The following GCC2 variants were observed in gnomAD, a reference collection of about 807,000 sequenced individuals.
The protein encoded by GCC2 is GRIP and coiled-coil domain containing 2.
Under a neutral mutation model 210.6 loss-of-function variants are expected in GCC2, and 120 were observed. The observed-to-expected ratio is 0.57, with a 90% CI of 0.49 to 0.66. GCC2 has a LOEUF of 0.66. GCC2 is among the 30% of genes least tolerant of loss of function. The pLI is 0.00. For missense variants in GCC2, 1,868 were observed against 1,871.9 expected (o/e 1.00, Z 0.04); for synonymous variants, 703 against 652.7 (o/e 1.08, Z -1.17).
Position 108,492,141 on chromosome 2 carries a change from G to GT in GCC2, c.4230-418dup, listed in dbSNP as rs200630743. Reference sequence around the variant, plus strand: ...TCTGAGTAAATCAGAAGAGTGTGGGGTTTTTTTTTTTTTTAATGTTTTCAG... The same window carrying GT: ...TCTGAGTAAATCAGAAGAGTGTGGGGTTTTTTTTTTTTTTTAATGTTTTCAG... On this transcript the variant is annotated intron_variant, in intron 18 of 22. Transcript: ENST00000309863. Among the ~76,000 whole-genome samples the GT allele has an allele frequency of 3.4e-3, 481 of 139,882 alleles. 2 individuals carry two copies. Among genetic ancestry groups the GT allele is most frequent in the South Asian group, 0.014 (60 of 4,392 alleles). 91.8% of individuals were successfully genotyped at this position (139,882 alleles called of 152,430 possible).
intron 4 of GCC2, among the ~76,000 whole-genome samples, chr2:108,460,816 A>T (rs1680528501): frequency 6.6e-6 from 1 of 152,142 alleles, no homozygotes; most frequent in Non-Finnish European, 1.5e-5. Context: ...GATCATGGGG[A>T]TGAACATGAA....
At chr2:108,469,288 T>C (rs973502036) in intron 5 of GCC2, 2 of 445,236 alleles carry the variant, frequency 4.5e-6, no homozygotes, top group Non-Finnish European at 7.9e-6. Flanking sequence ...TGTTGCATTA[T>C]CTTTTTTATA....
At chr2:108,490,485 T>G (rs1682354657) in intron 18 of GCC2, among the ~76,000 whole-genome samples, 1 of 152,214 alleles carries the variant, frequency 6.6e-6, no homozygotes. Context: ...TAGATTATTG[T>G]GAACAAGAAG....
intron 22 of GCC2, among the ~76,000 whole-genome samples, chr2:108,505,386 C>A (rs1164441649): frequency 2.0e-5 from 3 of 152,198 alleles, no homozygotes; most frequent in Non-Finnish European, 4.4e-5. Flanking sequence ...AGACAGACTT[C>A]TCAGAATTCT....
chr2:108,499,344 A>G (rs1261355510), intron 21 of GCC2, among the ~76,000 whole-genome samples: 2 of 151,674 alleles, frequency 1.3e-5, no homozygotes, highest in Non-Finnish European at 1.5e-5. Flanking sequence ...TCCGGTTTTC[A>G]TGTCAAATGG....
intron 4 of GCC2, 149 bp downstream of exon 4, chr2:108,452,615 G>A: frequency 1.6e-6 from 1 of 621,412 alleles, no homozygotes; most frequent in Middle Eastern, 2.6e-4. Flanking sequence ...AAAAAGAGGG[G>A]GTTAATGACC....
At chr2:108,472,600 G>C (rs187755396) in intron 6 of GCC2, among the ~76,000 whole-genome samples, 2 of 150,696 alleles carry the variant, frequency 1.3e-5, no homozygotes, top group African/African-American at 4.9e-5. Context: ...CTTGGCCTTG[G>C]TTACTACTTT....
In GCC2 at chr2:108,469,677, A is replaced by C; in HGVS notation, c.348A>C (p.Ala116=). Residue 116 remains alanine, a synonymous_variant, in exon 6 of 23, where the codon GCA becomes GCC. Coordinates refer to ENST00000309863, the MANE Select transcript of GCC2 (RefSeq NM_181453.4). ...VEDSVTKMGD[A]HKELEQSHIN... ...ATTCTGTAACAAAGATGGGAGATGC[A>C]CATAAGGAGTTGGAACAATCACATA... 6.2e-7 allele frequency: 1 copy of C among 1,600,282 alleles called. No individual in the cohort carries two copies. The highest frequency in any genetic ancestry group is 8.5e-7 in the Non-Finnish European group (1 of 1,175,314).
chr2:108,472,801 G>GTT, intron 6 of GCC2, 26 bp from the exon 7 acceptor site: 12 of 1,320,408 alleles, frequency 9.1e-6, no homozygotes, highest in South Asian at 2.6e-5. Flanking sequence ...TTTGTTTTGT[G>GTT]TTTTTTTTTC....
intron 5 of GCC2, chr2:108,469,336 A>T (rs1421038900): frequency 2.6e-5 from 11 of 422,436 alleles, no homozygotes; most frequent in East Asian, 1.8e-4. Context: ...AAAAAAAGTA[A>T]GTTGATTTTC....
chr2:108,453,762 G>A (rs899922120), intron 4 of GCC2, among the ~76,000 whole-genome samples: 2 of 148,688 alleles, frequency 1.3e-5, no homozygotes, highest in African/African-American at 5.0e-5. Flanking sequence ...TCCAGCCTGG[G>A]CAACACAGCA....
At chr2:108,463,205 T>C (rs915448995) in intron 4 of GCC2, among the ~76,000 whole-genome samples, 2 of 152,212 alleles carry the variant, frequency 1.3e-5, no homozygotes, top group Non-Finnish European at 2.9e-5. Context: ...TGAATTTCTT[T>C]TAGATTGAGA....
rs775165071 is a variant in GCC2, at chr2:108,472,837, C to T, written c.2798C>T (p.Ala933Val). 3.8e-6 allele frequency: 6 copies of T among 1,579,674 alleles called. No individual in the cohort carries two copies. The highest frequency in any genetic ancestry group is 5.2e-6 in the Non-Finnish European group (6 of 1,156,596). ...CCCTGTAAAATCTAGGATTCCTTAG[C>T]AAAATCACCTTCTGTAAAAAATGAT... is the stretch of plus-strand genomic sequence containing the variant. ...AELILLKDSL[A>V]KSPSVKNDPL... Residue 933 changes from alanine (A) to valine (V), a missense_variant, in exon 7 of 23, where the codon GCA becomes GTA. Ala to Val is a moderately conservative substitution (Grantham distance 64). This residue lies in a region of GCC2 where 1,847 missense variants were observed against 1,765.2 expected (regional missense o/e 1.05). Transcript: ENST00000309863.
chr2:108,451,681 C>T (rs1226593880), intron 3 of GCC2, among the ~76,000 whole-genome samples: 1 of 151,892 alleles, frequency 6.6e-6, no homozygotes, highest in Non-Finnish European at 1.5e-5. Context: ...AGCCTAAAAG[C>T]TAAGACTTAT....
At chr2:108,490,156 T>C in intron 18 of GCC2, 142 bp downstream of exon 18, 1 of 572,796 alleles carries the variant, frequency 1.7e-6, no homozygotes, top group South Asian at 4.5e-5. Flanking sequence ...CTTTGCTTTA[T>C]CTACCTTAGA....
intron 3 of GCC2, 137 bp downstream of exon 3, chr2:108,451,249 G>T: frequency 3.8e-6 from 2 of 523,928 alleles, no homozygotes; most frequent in East Asian, 3.2e-5. Flanking sequence ...AGTAGAATCT[G>T]TTATTTAACA....
At chr2:108,503,007 T>G (rs4146090) in intron 22 of GCC2, among the ~76,000 whole-genome samples, 20 of 144,504 alleles carry the variant, frequency 1.4e-4, no homozygotes, top group Admixed American at 4.1e-4. Context: ...CAAAAAACAA[T>G]AGTGGGAAAA....
chr2:108,477,872 C>A (rs1456358744), intron 9 of GCC2, among the ~76,000 whole-genome samples: 2 of 152,082 alleles, frequency 1.3e-5, no homozygotes, highest in African/African-American at 2.4e-5. Flanking sequence ...ACAGCGAAAC[C>A]CTGTCTCTAC....
chr2:108,499,082 C>CTG (rs4012131), intron 21 of GCC2, among the ~76,000 whole-genome samples: 1 of 91,862 alleles, frequency 1.1e-5, no homozygotes, highest in Non-Finnish European at 2.3e-5. Flanking sequence ...ATCCTCTCCT[C>CTG]GTCAGTGATA....
Sources: allele counts gnomAD v4.1 joint callset (sites outside exome capture counted in the v4.1 genomes callset), GRCh38; gene constraint gnomAD v4.1.1; regional missense constraint gnomAD v4.1.1; transcripts MANE v1.5; gene names NCBI Gene and HGNC (gene_info 2026-07-23, HGNC 2026-07-21).